HECW2: variants seen among roughly 807,000 people sequenced by gnomAD.
HECW2 encodes E3 ubiquitin-protein ligase HECW2.
Under a neutral mutation model 175.2 loss-of-function variants are expected in HECW2, and 61 were observed. The ratio of observed to expected loss-of-function variants is 0.35; its 90% CI spans 0.28 to 0.43. HECW2 has a LOEUF of 0.43. Among genes scored for constraint, HECW2 ranks in the 20% least tolerant of loss-of-function variants. The pLI, the probability that HECW2 is intolerant of heterozygous loss-of-function variation, is 1.00. For missense variants in HECW2, 1,524 were observed against 2,000.5 expected, an observed-to-expected ratio of 0.76 and a Z score of 4.54; for synonymous variants, 671 against 731.0, an observed-to-expected ratio of 0.92 and a Z score of 1.32.
chr2:196,221,042 C>A lies in HECW2; in HGVS notation c.4147-101G>T, dbSNP rs1687647533. 4.6e-6 allele frequency: 6 copies of A among 1,302,850 alleles called. No individual in the cohort carries two copies. The South Asian group carries it at 5.3e-5, about 11-fold the overall frequency. The allele number at this position is 1,302,850 out of a possible 1,614,324, so 80.7% of individuals were successfully genotyped here. A position where few individuals can be genotyped will look rare whatever the true frequency, so the allele number is the denominator to read the frequency against. On this transcript the variant is annotated intron_variant, in intron 24 of 28. Transcript: ENST00000644978. ...GAAATCAGCCAGCTACCTGTCCCAG[C>A]CCTGCCCTAGGCACATCCCACAAGC...
rs1219315180 is a variant in HECW2, at chr2:196,319,797, G to C, written c.1093C>G (p.Gln365Glu). 2 of 1,614,100 alleles carry C rather than the reference G, an allele frequency of 1.2e-6. No individual in the cohort carries two copies. Among genetic ancestry groups the C allele is most frequent in the African/African-American group, 1.3e-5 (1 of 74,930 alleles). ...GAAACTGGCCCATTAGAGCACACCTGGCTGTCGTGATGGCTCCCTGGCATG... is the reference window on the plus strand; with the variant it reads ...GAAACTGGCCCATTAGAGCACACCTCGCTGTCGTGATGGCTCCCTGGCATG... ...EDMPGSHHDS[Q>E]VCSNGPVSED... is the part of the protein sequence containing the mutation. Residue 365 changes from glutamine to glutamate, a missense_variant, in exon 9 of 29, where the codon CAG becomes GAG. This residue lies in a region of HECW2 where 604 missense variants were observed against 588.3 expected (regional missense o/e 1.03). Coordinates refer to ENST00000644978, the MANE Select transcript of HECW2 (RefSeq NM_001348768.2).
At chr2:196,562,158 C>T (rs1690023388) in intron 1 of HECW2, among the ~76,000 whole-genome samples, 1 of 152,140 alleles carries the variant, frequency 6.6e-6, no homozygotes, top group African/African-American at 2.4e-5. Flanking sequence ...AGCAGAATAT[C>T]CAAAGACAAT....
chr2:196,467,067 T>C (rs1300902818), intron 1 of HECW2, among the ~76,000 whole-genome samples: 2 of 152,138 alleles, frequency 1.3e-5, no homozygotes, highest in East Asian at 3.9e-4. Flanking sequence ...CAAGTACCAG[T>C]TGATGTCAGC....
chr2:196,316,659 T>C (rs1382757641), intron 10 of HECW2: 1 of 153,002 alleles, frequency 6.5e-6, no homozygotes, highest in Non-Finnish European at 1.5e-5. Flanking sequence ...TGAATACAGA[T>C]TATGTAACTA....
chr2:196,556,664 A>G (rs920750776), intron 1 of HECW2, among the ~76,000 whole-genome samples: 2 of 152,202 alleles, frequency 1.3e-5, no homozygotes, highest in African/African-American at 2.4e-5. Context: ...CCTGCCATAT[A>G]AGAGACATTC....
In HECW2 at chr2:196,542,832, T is replaced by C. The variant is rs1425238146; in HGVS notation, c.-36+50676A>G. ...AGACATATCTATATATAATCTAATA[T>C]CTAATATACATCTAATAAAATATAG... On this transcript the variant is annotated intron_variant, in intron 1 of 28. Transcript: ENST00000644978. Among the ~76,000 whole-genome samples, 4 of 149,340 alleles carry C rather than the reference T, an allele frequency of 2.7e-5. No individual in the cohort carries two copies. The East Asian group carries it at 7.7e-4, about 29-fold the overall frequency.
chr2:196,274,936 G>A (rs1182669253), intron 15 of HECW2, among the ~76,000 whole-genome samples: 1 of 152,180 alleles, frequency 6.6e-6, no homozygotes, highest in African/African-American at 2.4e-5. Context: ...AGCAGTATAA[G>A]AGAGAATAAG....
chr2:196,443,325 T>C (rs1383584652), intron 1 of HECW2, among the ~76,000 whole-genome samples: 1 of 152,064 alleles, frequency 6.6e-6, no homozygotes, highest in Non-Finnish European at 1.5e-5. Flanking sequence ...AGTGCCAATA[T>C]CATAGACCCT....
intron 1 of HECW2, among the ~76,000 whole-genome samples, chr2:196,493,678 G>A (rs923292823): frequency 6.6e-6 from 1 of 152,158 alleles, no homozygotes; most frequent in East Asian, 1.9e-4. Context: ...CATGATTTAA[G>A]CCAGAGACAG....
At chr2:196,312,415 C>T (rs1229958829) in intron 10 of HECW2, among the ~76,000 whole-genome samples, 4 of 152,134 alleles carry the variant, frequency 2.6e-5, no homozygotes, top group African/African-American at 9.7e-5. Context: ...ACTAAAGGTA[C>T]TTTCAAGGAA....
At chr2:196,216,969 A>G (rs745908953) in intron 27 of HECW2, 39 bp downstream of exon 27, 8 of 1,290,092 alleles carry the variant, frequency 6.2e-6, no homozygotes, top group Non-Finnish European at 7.4e-6. Context: ...AACAATAATC[A>G]TATTGATACA....
chr2:196,561,555 G>A (rs1000972463), intron 1 of HECW2, among the ~76,000 whole-genome samples: 5 of 152,066 alleles, frequency 3.3e-5, no homozygotes, highest in East Asian at 1.9e-4. Flanking sequence ...TGTTTTTTAC[G>A]GCTCAGGAGG....
chr2:196,416,315 T>A (rs939877400), intron 2 of HECW2, among the ~76,000 whole-genome samples: 1 of 152,166 alleles, frequency 6.6e-6, no homozygotes, highest in African/African-American at 2.4e-5. Context: ...CCAAGGACAG[T>A]GTGCTGCACT....
At chr2:196,264,639 G>A (rs1163381401) in intron 17 of HECW2, among the ~76,000 whole-genome samples, 1 of 152,152 alleles carries the variant, frequency 6.6e-6, no homozygotes, top group Non-Finnish European at 1.5e-5. Context: ...TTGGCTATTG[G>A]AGTTCCTGTT....
intron 2 of HECW2, among the ~76,000 whole-genome samples, chr2:196,393,508 A>G (rs925616270): frequency 2.6e-5 from 4 of 152,164 alleles, no homozygotes; most frequent in African/African-American, 7.2e-5. Flanking sequence ...TGAATAGACA[A>G]TTCTCAAAAG....
At chr2:196,307,499 T>C (rs572871101) in intron 11 of HECW2, among the ~76,000 whole-genome samples, 12 of 151,862 alleles carry the variant, frequency 7.9e-5, no homozygotes, top group African/African-American at 2.4e-4. Flanking sequence ...TAAATTCCTA[T>C]ATTGTTAAAG....
chr2:196,341,658 C>T (rs1323824033), intron 3 of HECW2, among the ~76,000 whole-genome samples: 1 of 152,166 alleles, frequency 6.6e-6, no homozygotes, highest in Non-Finnish European at 1.5e-5. Context: ...CCTTTCTGAC[C>T]TTCCTTTCTC....
intron 2 of HECW2, among the ~76,000 whole-genome samples, chr2:196,374,902 C>T (rs1405108334): frequency 6.6e-6 from 1 of 151,470 alleles, no homozygotes; most frequent in Admixed American, 6.6e-5. Context: ...GTGGCTCATG[C>T]CTGTAATGCC....
intron 1 of HECW2, among the ~76,000 whole-genome samples, chr2:196,557,625 T>C (rs1176587817): frequency 1.3e-5 from 2 of 152,102 alleles, no homozygotes; most frequent in East Asian, 3.8e-4. Context: ...AAAACACAAA[T>C]ATCTAACAAT....
Sources: allele counts gnomAD v4.1 joint callset (sites outside exome capture counted in the v4.1 genomes callset), GRCh38; gene constraint gnomAD v4.1.1; regional missense constraint gnomAD v4.1.1; transcripts MANE v1.5; gene names NCBI Gene and HGNC (gene_info 2026-07-23, HGNC 2026-07-21).